CAB39L: variants seen among roughly 807,000 people sequenced by gnomAD.
CAB39L encodes the protein calcium binding protein 39 like.
A neutral mutation model predicts 39.1 loss-of-function variants in CAB39L; 23 were observed. The ratio of observed to expected loss-of-function variants is 0.59; its 90% CI spans 0.42 to 0.83. CAB39L has a LOEUF of 0.83. Among genes scored for constraint, CAB39L ranks in the 40% least tolerant of loss-of-function variants. CAB39L has a pLI of 0.00. For missense variants in CAB39L, 366 were observed against 391.9 expected, an observed-to-expected ratio of 0.93 and a Z score of 0.56; for synonymous variants, 126 against 137.2, an observed-to-expected ratio of 0.92 and a Z score of 0.57.
chr13:49,346,829 T>C (rs990453431), intron 7 of CAB39L, among the ~76,000 whole-genome samples: 10 of 152,252 alleles, frequency 6.6e-5, no homozygotes, highest in African/African-American at 2.4e-4. Flanking sequence ...AAAGACAGAA[T>C]TCAAACCACT....
intron 3 of CAB39L, among the ~76,000 whole-genome samples, chr13:49,402,529 C>T (rs1956796322): frequency 6.6e-6 from 1 of 152,054 alleles, no homozygotes; most frequent in South Asian, 2.1e-4. Flanking sequence ...AGTCTTGGGC[C>T]CTTCTACTGA....
chr13:49,343,655 C>T (rs1955065889), intron 8 of CAB39L, among the ~76,000 whole-genome samples: 2 of 150,708 alleles, frequency 1.3e-5, no homozygotes, highest in South Asian at 4.2e-4. Flanking sequence ...GAGACAGAGA[C>T]AGAAAGAGAG....
intron 1 of CAB39L, among the ~76,000 whole-genome samples, chr13:49,439,962 T>G (rs1053672062): frequency 2.2e-5 from 3 of 138,806 alleles, no homozygotes; most frequent in Non-Finnish European, 4.6e-5. Flanking sequence ...TTAACTTCCT[T>G]ATAGATTCTG....
chr13:49,419,509 T>C (rs1203342870), intron 3 of CAB39L, among the ~76,000 whole-genome samples: 5 of 151,982 alleles, frequency 3.3e-5, no homozygotes, highest in African/African-American at 1.2e-4. Context: ...GCCCGGGAGG[T>C]CAAGGCTGCA....
At chr13:49,398,900 T>C (rs1956700773) in intron 3 of CAB39L, among the ~76,000 whole-genome samples, 1 of 152,082 alleles carries the variant, frequency 6.6e-6, no homozygotes, top group Non-Finnish European at 1.5e-5. Flanking sequence ...CCTAACCTTG[T>C]AAATTGCCTC....
At chr13:49,425,712 C>T (rs1437183990) in intron 3 of CAB39L, among the ~76,000 whole-genome samples, 1 of 152,084 alleles carries the variant, frequency 6.6e-6, no homozygotes, top group Non-Finnish European at 1.5e-5. Context: ...ACAGACAATC[C>T]TTTTCAAAAA....
chr13:49,357,390 C>T (rs1453736814), intron 6 of CAB39L, among the ~76,000 whole-genome samples: 1 of 152,092 alleles, frequency 6.6e-6, no homozygotes, highest in South Asian at 2.1e-4. Context: ...CAACAGCTGG[C>T]ACATAGCAAA....
intron 3 of CAB39L, among the ~76,000 whole-genome samples, chr13:49,405,926 C>T (rs1256324498): frequency 2.0e-5 from 3 of 152,054 alleles, no homozygotes; most frequent in Non-Finnish European, 2.9e-5. Flanking sequence ...ACAAACTTCA[C>T]ATGTTCTCAT....
intron 3 of CAB39L, among the ~76,000 whole-genome samples, chr13:49,403,272 G>A (rs1308294320): frequency 2.0e-5 from 3 of 152,074 alleles, no homozygotes; most frequent in Non-Finnish European, 4.4e-5. Context: ...AACCAAATTA[G>A]TTTTAGATTA....
intron 6 of CAB39L, 134 bp from the exon 7 acceptor site, chr13:49,351,046 C>T (rs1336062426): frequency 3.5e-6 from 2 of 569,276 alleles, no homozygotes; most frequent in Admixed American, 4.0e-5. Context: ...ATTCAATATC[C>T]ACTGAAGATC....
chr13:49,343,497 A>T (rs1436201744), intron 8 of CAB39L, among the ~76,000 whole-genome samples: 1 of 152,054 alleles, frequency 6.6e-6, no homozygotes. Flanking sequence ...CCTGCCTCTT[A>T]GGGGGTGCAA....
chr13:49,393,915 T>C (rs1956545378), intron 3 of CAB39L, among the ~76,000 whole-genome samples: 3 of 151,948 alleles, frequency 2.0e-5, no homozygotes, highest in South Asian at 2.1e-4. Context: ...AACACAGTAA[T>C]AGCACAAGAA....
intron 3 of CAB39L, among the ~76,000 whole-genome samples, chr13:49,422,012 A>G (rs1957178927): frequency 6.6e-6 from 1 of 152,054 alleles, no homozygotes; most frequent in South Asian, 2.1e-4. Context: ...GCGGGGAGAG[A>G]GGGATAACTT....
chr13:49,429,077 T>C (rs182944701), intron 3 of CAB39L, among the ~76,000 whole-genome samples: 2 of 152,332 alleles, frequency 1.3e-5, no homozygotes, highest in African/African-American at 2.4e-5. Context: ...ATGTATTCTT[T>C]ACAATAGCCT....
rs1189812182 is a variant in CAB39L at position 49,348,724 on chromosome 13, T to C, written c.564+2020A>G. 2.6e-5 allele frequency among the ~76,000 whole-genome samples: 4 copies of C among 152,202 alleles called. No individual in the cohort carries two copies. The East Asian group carries it at 7.7e-4, about 29-fold the overall frequency. ...TCAAACAGTATTCTCCCTCCAGAGTTCTTGTCAATTAAATTTTCCTTTGCA... is the reference window on the plus strand; with the variant it reads ...TCAAACAGTATTCTCCCTCCAGAGTCCTTGTCAATTAAATTTTCCTTTGCA... On this transcript the variant is annotated intron_variant, in intron 7 of 10. Transcript: ENST00000409308.
intron 9 of CAB39L, among the ~76,000 whole-genome samples, chr13:49,336,639 GA>G (rs1436789557): frequency 6.6e-6 from 1 of 152,216 alleles, no homozygotes; most frequent in East Asian, 1.9e-4. Flanking sequence ...AGGATTTGGA[GA>G]ATTTATGAGC....
chr13:49,397,951 G>A (rs1956677571), intron 3 of CAB39L, among the ~76,000 whole-genome samples: 1 of 151,766 alleles, frequency 6.6e-6, no homozygotes, highest in Admixed American at 6.6e-5. Flanking sequence ...ATTTTGGTTA[G>A]TTACTGTTAT....
rs557514975 is a variant in CAB39L, at chr13:49,313,325, C to CA, written c.835-2333dup. Among the ~76,000 whole-genome samples the CA allele has an allele frequency of 1.0e-3, 156 of 152,094 alleles. 1 individual carries two copies. The highest frequency in any genetic ancestry group is 3.5e-3 in the African/African-American group (147 of 41,518). On this transcript the variant is annotated intron_variant, in intron 10 of 10. Coordinates refer to ENST00000409308, the MANE Select transcript of CAB39L (RefSeq NM_001079670.3). ...TGAAATCCCATCTCTACTAAAAATA[C>CA]AAAAAATTAGCCAGGCGTGGTGGCG...
chr13:49,316,854 T>G (rs1954172493), intron 10 of CAB39L, among the ~76,000 whole-genome samples: 1 of 152,162 alleles, frequency 6.6e-6, no homozygotes, highest in African/African-American at 2.4e-5. Flanking sequence ...TTTACTCCAA[T>G]GACTGGTGAA....
Sources: gnomAD v4.1 joint callset for allele counts (sites outside exome capture counted in the v4.1 genomes callset) on GRCh38, gnomAD v4.1.1 for gene constraint, MANE v1.5 for transcripts, NCBI Gene and HGNC (gene_info 2026-07-23, HGNC 2026-07-21) for gene names.